The following STK24 variants were observed in gnomAD, a reference collection of about 807,000 sequenced individuals.
STK24 encodes serine/threonine kinase 24.
STK24 carries 21 observed loss-of-function variants against 55.6 expected under a neutral mutation model. The ratio of observed to expected loss-of-function variants is 0.38; its 90% CI spans 0.27 to 0.54. The LOEUF (loss-of-function observed/expected upper bound fraction) is 0.54. Among genes scored for constraint, STK24 ranks in the 20% least tolerant of loss-of-function variants. STK24 has a pLI of 0.79. For missense variants in STK24, 383 were observed against 538.4 expected (o/e 0.71, Z 2.86); for synonymous variants, 200 against 215.2 (o/e 0.93, Z 0.62).
At chr13:98,476,616 C>T (rs534367453) in intron 3 of STK24, among the ~76,000 whole-genome samples, 32 of 152,374 alleles carry the variant, frequency 2.1e-4, no homozygotes, top group Non-Finnish European at 3.8e-4. Context: ...ACAGTCCTTG[C>T]GTGCCTCAGC....
At chr13:98,500,250 A>T (rs575207189) in intron 2 of STK24, among the ~76,000 whole-genome samples, 1 of 152,352 alleles carries the variant, frequency 6.6e-6, no homozygotes, top group South Asian at 2.1e-4. Context: ...ACAGCAAATG[A>T]GCAGGAGGCC....
At chr13:98,487,969 T>TTTA (rs765295514) in intron 2 of STK24, among the ~76,000 whole-genome samples, 1 of 151,996 alleles carries the variant, frequency 6.6e-6, no homozygotes, top group Non-Finnish European at 1.5e-5. Flanking sequence ...CAAGTTTTAT[T>TTTA]TTATTATTAT....
At chr13:98,467,242 G>A (rs1204069577) in intron 5 of STK24, among the ~76,000 whole-genome samples, 4 of 152,096 alleles carry the variant, frequency 2.6e-5, no homozygotes, top group Admixed American at 6.5e-5. Context: ...TTTGCCATAC[G>A]AGCTTTGTCC....
At chr13:98,571,306 T>C (rs1472963219) in intron 1 of STK24, among the ~76,000 whole-genome samples, 2 of 152,170 alleles carry the variant, frequency 1.3e-5, no homozygotes. Context: ...AGCTCAGCTC[T>C]ACGCATCAGA....
intron 3 of STK24, among the ~76,000 whole-genome samples, chr13:98,478,124 T>C (rs549265684): frequency 1.3e-5 from 2 of 152,298 alleles, no homozygotes; most frequent in African/African-American, 4.8e-5. Context: ...CATGAGCAGC[T>C]CGGACCAGGC....
chr13:98,576,264 C>T (rs967596240), intron 1 of STK24: 17 of 970,678 alleles, frequency 1.8e-5, no homozygotes, highest in South Asian at 9.4e-5. Context: ...GCGCGCTCCC[C>T]GTCCCCGCCC....
At chr13:98,494,972 T>C (rs1895192029) in intron 2 of STK24, among the ~76,000 whole-genome samples, 1 of 152,188 alleles carries the variant, frequency 6.6e-6, no homozygotes, top group African/African-American at 2.4e-5. Flanking sequence ...TCGGTGAAGA[T>C]GACCCTGTGG....
chr13:98,488,452 T>G (rs1196321123), intron 2 of STK24, among the ~76,000 whole-genome samples: 1 of 152,202 alleles, frequency 6.6e-6, no homozygotes, highest in African/African-American at 2.4e-5. Context: ...CTGAACATCT[T>G]TATATATTGA....
In STK24 at chr13:98,446,888, C is replaced by A; in HGVS notation, c.*6285G>T. The stretch of plus-strand genomic sequence containing the variant: ...CCTCTTCCAAACATCAGGATTTCTC[C>A]CAAGTCAGCGAGTGAGATGGCCCCA... On this transcript the variant is annotated 3_prime_UTR_variant, in exon 11 of 11. Transcript: ENST00000539966. 1 of 1,544,724 alleles carries A rather than the reference C, an allele frequency of 6.5e-7. No individual in the cohort carries two copies. Among genetic ancestry groups the A allele is most frequent in the South Asian group, 1.2e-5 (1 of 86,630 alleles).
At chr13:98,534,924 T>C (rs935951003) in intron 1 of STK24, among the ~76,000 whole-genome samples, 1 of 152,248 alleles carries the variant, frequency 6.6e-6, no homozygotes, top group Non-Finnish European at 1.5e-5. Flanking sequence ...TTAAACTCTT[T>C]GTCTATTGCA....
intron 2 of STK24, among the ~76,000 whole-genome samples, chr13:98,504,198 TG>T (rs1353321720): frequency 1.4e-5 from 2 of 147,330 alleles, no homozygotes; most frequent in African/African-American, 4.9e-5. Context: ...CTAACTTAAC[TG>T]AAGACAAAAA....
At position 98,504,344 on chromosome 13, in the gene STK24, C is replaced by A. The variant is rs1444841716; in HGVS notation, c.273+14899G>T. Among the ~76,000 whole-genome samples the A allele has an allele frequency of 2.0e-5, 3 of 152,354 alleles. No homozygotes were observed. In the East Asian group the frequency reaches 5.8e-4, roughly 29 times the overall value. On this transcript the variant is annotated intron_variant, in intron 2 of 10. Transcript: ENST00000539966. ...CCTGTGCAAGGTTGCAATCCATTTTCCAGTCTGTAGCTTTGCTCTGGGAAA... is the reference window on the plus strand; with the variant it reads ...CCTGTGCAAGGTTGCAATCCATTTTACAGTCTGTAGCTTTGCTCTGGGAAA...
At chr13:98,512,885 G>A (rs1428304123) in intron 2 of STK24, among the ~76,000 whole-genome samples, 1 of 152,212 alleles carries the variant, frequency 6.6e-6, no homozygotes, top group Non-Finnish European at 1.5e-5. Flanking sequence ...CCTCTCATCT[G>A]TGGTGTCTTC....
Position 98,549,399 on chromosome 13 carries a change from G to C in STK24, c.42+27346C>G, listed in dbSNP as rs1897107776. ...AAGCTCCCTCGGACCTCTTTTGTGA[G>C]GGCACTGATATGGTTGGAGGTCCCC... On this transcript the variant is annotated intron_variant, in intron 1 of 10. Transcript: ENST00000539966. Among the ~76,000 whole-genome samples the C allele has an allele frequency of 3.3e-5, 5 of 152,308 alleles. No individual in the cohort carries two copies. In the South Asian group the frequency reaches 1.0e-3, roughly 32 times the overall value.
At position 98,449,104 on chromosome 13, in the gene STK24, G is replaced by GCTGT. The variant is rs150581615; in HGVS notation, c.*4065_*4068dup. 2.6e-5 allele frequency: 4 copies of GCTGT among 152,210 alleles called. No homozygotes were observed. The highest frequency in any genetic ancestry group is 9.7e-5 in the African/African-American group (4 of 41,436). 9.4% of individuals were successfully genotyped at this position (152,210 alleles called of 1,614,324 possible). A position where few individuals can be genotyped will look rare whatever the true frequency, so the allele number is the denominator to read the frequency against. On this transcript the variant is annotated 3_prime_UTR_variant, in exon 11 of 11. Coordinates refer to ENST00000539966, the MANE Select transcript of STK24 (RefSeq NM_001032296.4). ...GGAAGATAATAAGCCGTGGTGTTTT[G>GCTGT]CTGTCTGTCTGTGTCACAAGCATGA... is the stretch of plus-strand genomic sequence containing the variant.
At chr13:98,547,453 C>T (rs573961492) in intron 1 of STK24, among the ~76,000 whole-genome samples, 7 of 152,272 alleles carry the variant, frequency 4.6e-5, no homozygotes, top group Non-Finnish European at 8.8e-5. Context: ...GAGGCTGTGG[C>T]GTGAGGACTG....
intron 2 of STK24, among the ~76,000 whole-genome samples, chr13:98,492,076 C>CAT (rs1895059218): frequency 6.7e-6 from 1 of 149,522 alleles, no homozygotes; most frequent in African/African-American, 2.5e-5. Context: ...AGTGCGTGCG[C>CAT]GTGTGTGTGT....
At chr13:98,466,010 A>T (rs1893914364) in intron 6 of STK24, among the ~76,000 whole-genome samples, 1 of 152,224 alleles carries the variant, frequency 6.6e-6, no homozygotes, top group Non-Finnish European at 1.5e-5. Context: ...TACTTTAAAG[A>T]CATATTTAGC....
At chr13:98,519,047 T>C (rs1019356331) in intron 2 of STK24, among the ~76,000 whole-genome samples, 196 bp downstream of exon 2, 1 of 152,220 alleles carries the variant, frequency 6.6e-6, no homozygotes, top group African/African-American at 2.4e-5. Flanking sequence ...TCAAACACTT[T>C]CACCACAAAT....
Sources: gnomAD v4.1 joint callset for allele counts (sites outside exome capture counted in the v4.1 genomes callset) on GRCh38, gnomAD v4.1.1 for gene constraint, MANE v1.5 for transcripts, NCBI Gene and HGNC (gene_info 2026-07-23, HGNC 2026-07-21) for gene names.